The following GLO1 variants were observed in gnomAD, a reference collection of about 807,000 sequenced individuals.
The protein encoded by GLO1 is lactoylglutathione lyase.
A neutral mutation model predicts 26.0 loss-of-function variants in GLO1; 28 were observed. The ratio of observed to expected loss-of-function variants is 1.08; its 90% CI spans 0.80 to 1.48. The LOEUF (loss-of-function observed/expected upper bound fraction) is 1.48. Among genes scored for constraint, GLO1 ranks in the 40% most tolerant of loss-of-function variants. The pLI, the probability that GLO1 is intolerant of heterozygous loss-of-function variation, is 0.00. For missense variants in GLO1, 225 were observed against 224.8 expected (o/e 1.00, Z -0.01); for synonymous variants, 78 against 77.6 (o/e 1.00, Z -0.03).
In GLO1 at chr6:38,682,788, A is replaced by G. The variant is rs750613090; in HGVS notation, c.376+20T>C. ...AATCACACAAATCTACATATATCAC[A>G]TAAAAACAGGCAAACTTACCGAATC... is the stretch of plus-strand genomic sequence containing the variant. On this transcript the variant is annotated intron_variant, in intron 4 of 5. Coordinates refer to ENST00000373365, the MANE Select transcript of GLO1 (RefSeq NM_006708.3). The G allele has an allele frequency of 6.9e-7, 1 of 1,442,930 alleles. No individual in the cohort carries two copies. The highest frequency in any genetic ancestry group is 9.8e-7 in the Non-Finnish European group (1 of 1,024,544). The allele number at this position is 1,442,930 out of a possible 1,614,324, so 89.4% of individuals were successfully genotyped here.
chr6:38,687,188 CAATGGTCGATAAAA>C (rs1386108755), intron 1 of GLO1: 5 of 705,176 alleles, frequency 7.1e-6, no homozygotes, highest in Non-Finnish European at 8.7e-6. Flanking sequence ...GACCTTCAAC[CAATGGTCGATAAAA>C]AACCTGGCAT....
At chr6:38,678,623 C>A (rs1044058859) in intron 5 of GLO1, among the ~76,000 whole-genome samples, 6 of 152,160 alleles carry the variant, frequency 3.9e-5, no homozygotes, top group Non-Finnish European at 4.4e-5. Flanking sequence ...GCATCGGCAC[C>A]TGCCCTCTCG....
intron 5 of GLO1, among the ~76,000 whole-genome samples, chr6:38,680,412 T>G (rs1363307888): frequency 2.0e-5 from 3 of 152,088 alleles, no homozygotes; most frequent in Non-Finnish European, 4.4e-5. Flanking sequence ...TCCCAGCTAC[T>G]CGGGAGGCTG....
chr6:38,700,938 C>T (rs1761688683), intron 1 of GLO1, among the ~76,000 whole-genome samples: 2 of 152,196 alleles, frequency 1.3e-5, no homozygotes, highest in Admixed American at 6.5e-5. Context: ...CGCCACCATG[C>T]CCAGCTAATT....
Position 38,682,055 on chromosome 6 carries a change from C to A in GLO1, c.423G>T (p.Arg141Ser). The change falls in exon 5 of 6, where the codon AGG becomes AGT. Residue 141 changes from arginine (R) to serine (S), a missense_variant. Transcript: ENST00000373365. ...CAAATTTGACTCCCAGTTCTTCAAA[C>A]CTTTTACAAGCACTGTATACATCAG... ...AVPDVYSACK[R>S]FEELGVKFVK... 1 of 1,598,416 alleles carries A rather than the reference C, an allele frequency of 6.3e-7. No homozygotes were observed.
At chr6:38,701,127 C>T (rs1357899987) in intron 1 of GLO1, among the ~76,000 whole-genome samples, 2 of 148,970 alleles carry the variant, frequency 1.3e-5, no homozygotes, top group African/African-American at 5.2e-5. Context: ...AAAATTACTG[C>T]TGGAGTCAGC....
chr6:38,678,013 G>A (rs1761290377), intron 5 of GLO1, among the ~76,000 whole-genome samples: 1 of 152,152 alleles, frequency 6.6e-6, no homozygotes, highest in South Asian at 2.1e-4. Context: ...ATAGGGAGGT[G>A]CTGAAGGGAG....
chr6:38,679,582 G>T (rs1285399631), intron 5 of GLO1, among the ~76,000 whole-genome samples: 1 of 152,106 alleles, frequency 6.6e-6, no homozygotes, highest in South Asian at 2.1e-4. Context: ...GATCACTTGA[G>T]GCCAGGAGTT....
chr6:38,695,624 C>G (rs973766556), intron 1 of GLO1, among the ~76,000 whole-genome samples: 4 of 152,006 alleles, frequency 2.6e-5, no homozygotes, highest in Non-Finnish European at 5.9e-5. Flanking sequence ...AGCCTTCCCC[C>G]ACATCACCTT....
rs1482120222 is a variant in GLO1 at position 38,686,937 on chromosome 6, T to A, written c.122A>T (p.Asp41Val). The A allele has an allele frequency of 1.2e-6, 2 of 1,607,384 alleles. No individual in the cohort carries two copies. Among genetic ancestry groups the A allele is most frequent in the South Asian group, 1.1e-5 (1 of 90,900 alleles). ...LLQQTMLRVK[D>V]PKKSLDFYTR... ...ATAAAAATCCAGTGACTTCTTAGGA[T>A]CCTTCACTCGTAGCATGGTCTGCTG... Residue 41 changes from aspartate to valine, a missense_variant, in exon 2 of 6, where the codon GAT becomes GTT. Asp to Val is a radical substitution (Grantham distance 152). Transcript: ENST00000373365.
At chr6:38,687,314 G>A (rs978904791) in intron 1 of GLO1, among the ~76,000 whole-genome samples, 5 of 151,538 alleles carry the variant, frequency 3.3e-5, no homozygotes, top group Non-Finnish European at 7.4e-5. Flanking sequence ...TAATCCACTC[G>A]TATACACCTA....
At chr6:38,678,155 A>G (rs368710499) in intron 5 of GLO1, among the ~76,000 whole-genome samples, 2 of 152,160 alleles carry the variant, frequency 1.3e-5, no homozygotes, top group Non-Finnish European at 2.9e-5. Context: ...TGAGATTGAG[A>G]GTCTAGTATG....
At chr6:38,683,552 C>CAGGGAAA (rs1761414306) in intron 3 of GLO1, among the ~76,000 whole-genome samples, 1 of 152,120 alleles carries the variant, frequency 6.6e-6, no homozygotes, top group South Asian at 2.1e-4. Flanking sequence ...GACAAACAGG[C>CAGGGAAA]AAATATCTTA....
chr6:38,679,778 A>C lies in GLO1; in HGVS notation c.466+2234T>G, dbSNP rs909105538. Among the ~76,000 whole-genome samples, 4 of 148,728 alleles carry C rather than the reference A, an allele frequency of 2.7e-5. No individual in the cohort carries two copies. The East Asian group carries it at 5.9e-4, about 22-fold the overall frequency. ...CACTGCACTCTAGCCTGGGCAACAG[A>C]GCAAGACTCTGTCTCAAAAAAAAAA... On this transcript the variant is annotated intron_variant, in intron 5 of 5. Coordinates refer to ENST00000373365, the MANE Select transcript of GLO1 (RefSeq NM_006708.3).
chr6:38,677,905 G>A (rs1250678842), intron 5 of GLO1, among the ~76,000 whole-genome samples: 1 of 152,110 alleles, frequency 6.6e-6, no homozygotes, highest in Non-Finnish European at 1.5e-5. Context: ...GGGACTGGCT[G>A]CATCTTTTAG....
intron 1 of GLO1, among the ~76,000 whole-genome samples, chr6:38,691,014 C>T (rs952121582): frequency 5.3e-5 from 8 of 152,128 alleles, no homozygotes; most frequent in Non-Finnish European, 1.2e-4. Context: ...TCTAAAATAT[C>T]GTTTAAAATA....
intron 3 of GLO1, 81 bp from the exon 4 acceptor site, chr6:38,682,956 C>A: frequency 1.2e-6 from 1 of 851,970 alleles, no homozygotes; most frequent in South Asian, 1.4e-5. Flanking sequence ...TGAAATCTTA[C>A]CACGTTTATA....
At chr6:38,688,179 A>T (rs1195126844) in intron 1 of GLO1, among the ~76,000 whole-genome samples, 1 of 152,172 alleles carries the variant, frequency 6.6e-6, no homozygotes, top group Non-Finnish European at 1.5e-5. Flanking sequence ...TAATAATTAA[A>T]TTCTTTATTC....
At chr6:38,702,717 C>A (rs1406291121) in intron 1 of GLO1, among the ~76,000 whole-genome samples, 3 of 152,182 alleles carry the variant, frequency 2.0e-5, no homozygotes, top group Non-Finnish European at 4.4e-5. Flanking sequence ...TGGCTTCCAG[C>A]CACCGTCGCA....
Sources: allele counts gnomAD v4.1 joint callset (sites outside exome capture counted in the v4.1 genomes callset), GRCh38; gene constraint gnomAD v4.1.1; transcripts MANE v1.5; gene names NCBI Gene and HGNC (gene_info 2026-07-23, HGNC 2026-07-21).